Variants in VPS50 observed in about 807,000 individuals in gnomAD.
The protein encoded by VPS50 is syndetin.
In VPS50, 70 loss-of-function variants were observed where a neutral mutation model predicts 139.7. That is an observed-to-expected ratio of 0.50 (90% confidence interval 0.41 to 0.61). The LOEUF is 0.61. Among genes scored for constraint, VPS50 ranks in the 20% least tolerant of loss-of-function variants. The probability of loss-of-function intolerance (pLI) is 0.00; values close to 1 mark genes in which losing one functional copy is unlikely to be tolerated. For synonymous variants in VPS50, 365 were observed against 376.7 expected (o/e 0.97, Z 0.36); for missense variants, 921 against 1,133.7 (o/e 0.81, Z 2.69).
chr7:93,334,276 G>A (rs1214500293), intron 22 of VPS50, 79 bp downstream of exon 22: 7 of 800,088 alleles, frequency 8.7e-6, no homozygotes, highest in African/African-American at 1.7e-5. Context: ...ATATAAATGT[G>A]TGTCTATATG....
intron 1 of VPS50, among the ~76,000 whole-genome samples, chr7:93,234,930 T>C (rs1794752386): frequency 7.5e-6 from 1 of 132,972 alleles, no homozygotes. Context: ...TGCCAGGTAC[T>C]ATTCTAAGTA....
intron 14 of VPS50, among the ~76,000 whole-genome samples, chr7:93,295,877 A>T (rs909253493): frequency 1.3e-5 from 2 of 151,966 alleles, no homozygotes; most frequent in African/African-American, 4.8e-5. Flanking sequence ...GATGTGCACC[A>T]CCATGCCTAA....
intron 10 of VPS50, among the ~76,000 whole-genome samples, chr7:93,272,254 G>A (rs986841228): frequency 2.6e-5 from 4 of 151,778 alleles, no homozygotes; most frequent in Non-Finnish European, 5.9e-5. Context: ...ATTAGAGAAA[G>A]ATTGTTTTAT....
intron 21 of VPS50, among the ~76,000 whole-genome samples, chr7:93,333,632 T>C (rs984818560): frequency 6.6e-6 from 1 of 152,222 alleles, no homozygotes; most frequent in African/African-American, 2.4e-5. Context: ...CTATCTATAC[T>C]GTGAAATGTT....
intron 2 of VPS50, chr7:93,246,213 T>G (rs1314947813): frequency 2.2e-6 from 2 of 910,810 alleles, no homozygotes; most frequent in Non-Finnish European, 3.3e-6. Flanking sequence ...TAAAAAAAAG[T>G]CTTTGATCAA....
chr7:93,339,273 G>A (rs1356921254), intron 22 of VPS50, among the ~76,000 whole-genome samples: 3 of 150,332 alleles, frequency 2.0e-5, no homozygotes, highest in African/African-American at 7.3e-5. Context: ...ACTTTTAAAT[G>A]CTAATTGAGT....
chr7:93,272,940 G>T lies in VPS50; in HGVS notation c.801+207G>T, dbSNP rs192680470. 640 of 326,130 alleles carry T rather than the reference G, an allele frequency of 2.0e-3. 3 individuals are homozygous for T. Among genetic ancestry groups the T allele is most frequent in the Non-Finnish European group, 2.5e-3 (449 of 179,494 alleles). 20.2% of individuals were successfully genotyped at this position (326,130 alleles called of 1,614,324 possible). A position where few individuals can be genotyped will look rare whatever the true frequency, so the allele number is the denominator to read the frequency against. ...TTAAAACATTACAGTAGTTTGTTTT[G>T]AACTATGAAGTACTTGTCAGGTTTA... On this transcript the variant is annotated intron_variant, in intron 11 of 27. Transcript: ENST00000305866.
chr7:93,279,739 A>C (rs1796266616), intron 12 of VPS50, among the ~76,000 whole-genome samples: 1 of 152,208 alleles, frequency 6.6e-6, no homozygotes, highest in African/African-American at 2.4e-5. Context: ...TATCCTCTGT[A>C]CAGTAGCAAT....
chr7:93,305,829 A>G lies in VPS50; in HGVS notation c.1454A>G (p.Glu485Gly). Residue 485 changes from glutamate to glycine, a missense_variant and splice_region_variant, in exon 18 of 28, where the codon GAA becomes GGA. By Grantham distance (98) the Glu-to-Gly change is moderately conservative (BLOSUM62 -2). Around this residue, in one of 3 missense-constraint regions of VPS50, gnomAD observed 744 missense variants for 930.6 expected, o/e 0.80. Coordinates refer to ENST00000305866, the MANE Select transcript of VPS50 (RefSeq NM_017667.4). ...TCTGGCTCCTTTTTTAACATCTAGG[A>G]ATTTAAATTCATGGAACAGTCTCGC... ...KSNFSILQLH[E>G]FKFMEQSRSP... 6.2e-7 allele frequency: 1 copy of G among 1,611,366 alleles called. No homozygotes were observed. Among genetic ancestry groups the G allele is most frequent in the Non-Finnish European group, 8.5e-7 (1 of 1,177,920 alleles).
chr7:93,295,946 G>A (rs1457525279), intron 14 of VPS50, among the ~76,000 whole-genome samples: 1 of 152,062 alleles, frequency 6.6e-6, no homozygotes, highest in African/African-American at 2.4e-5. Context: ...GACTGGTCTT[G>A]AACTCCTGGG....
chr7:93,353,846 A>AT (rs1798624917), intron 26 of VPS50, 85 bp downstream of exon 26: 1 of 1,039,576 alleles, frequency 9.6e-7, no homozygotes, highest in Non-Finnish European at 1.4e-6. Context: ...GGTTGGAGAG[A>AT]ATAAGTAGAA....
At chr7:93,262,549 C>G (rs1391917722) in intron 9 of VPS50, among the ~76,000 whole-genome samples, 1 of 152,186 alleles carries the variant, frequency 6.6e-6, no homozygotes, top group African/African-American at 2.4e-5. Context: ...AAGAATTGGT[C>G]TTATTCTCTG....
chr7:93,311,251 T>C lies in VPS50; in HGVS notation c.1834T>C (p.Leu612=). 8.0e-7 allele frequency: 1 copy of C among 1,248,646 alleles called. No homozygotes were observed. Among genetic ancestry groups the C allele is most frequent in the Non-Finnish European group, 1.2e-6 (1 of 846,792 alleles). 77.3% of individuals were successfully genotyped at this position (1,248,646 alleles called of 1,614,324 possible). The change falls in exon 20 of 28, where the codon TTG becomes CTG. Residue 612 remains leucine (L), a synonymous_variant. Transcript: ENST00000305866. ...TGCACCTATCTTAACAAATACAACA[T>C]TGAACGTCATAAGACTTGTTGGTAA... ...VNAPILTNTT[L]NVIRLVGKYM...
chr7:93,256,518 A>G lies in VPS50; in HGVS notation c.307A>G (p.Lys103Glu), dbSNP rs1290650504. Residue 103 changes from lysine to glutamate, a missense_variant, in exon 5 of 28, where the codon AAA becomes GAA. Around this residue, in one of 3 missense-constraint regions of VPS50, gnomAD observed 744 missense variants for 930.6 expected, o/e 0.80. Transcript: ENST00000305866. ...TTACATCTTCTTATAGGTATCTAAA[A>G]AAGTGGCAGATTTAATCCTTGAAAA... ...LKQQQAAVSK[K>E]VADLILEKQP... 3 of 1,434,678 alleles carry G rather than the reference A, an allele frequency of 2.1e-6. No homozygotes were observed. 88.9% of individuals were successfully genotyped at this position (1,434,678 alleles called of 1,614,324 possible).
chr7:93,326,216 A>G (rs1797767615), intron 21 of VPS50, among the ~76,000 whole-genome samples: 1 of 147,940 alleles, frequency 6.8e-6, no homozygotes, highest in South Asian at 2.1e-4. Flanking sequence ...CAAACACTGC[A>G]TATTCTCACT....
intron 2 of VPS50, among the ~76,000 whole-genome samples, chr7:93,244,004 A>G (rs1795075870): frequency 6.6e-6 from 1 of 151,792 alleles, no homozygotes; most frequent in African/African-American, 2.4e-5. Context: ...TTTGGCCTCA[A>G]TTTAATTAAC....
chr7:93,294,688 T>G (rs1283036585), intron 14 of VPS50, 52 bp downstream of exon 14: 1 of 1,376,866 alleles, frequency 7.3e-7, no homozygotes, highest in African/African-American at 1.5e-5. Flanking sequence ...AAATGTCATG[T>G]CATAGTTTTA....
intron 20 of VPS50, among the ~76,000 whole-genome samples, chr7:93,322,900 T>A (rs191326697): frequency 1.4e-4 from 22 of 152,266 alleles, no homozygotes; most frequent in Non-Finnish European, 2.6e-4. Context: ...TTCATTGTGT[T>A]TTTTGTTTTT....
At position 93,302,145 on chromosome 7, in the gene VPS50, T is replaced by C. The variant is rs192577082; in HGVS notation, c.1362-1315T>C. Among the ~76,000 whole-genome samples, 324 of 152,318 alleles carry C rather than the reference T, an allele frequency of 2.1e-3. 1 individual carries two copies. Among genetic ancestry groups the C allele is most frequent in the African/African-American group, 7.4e-3 (306 of 41,570 alleles). ...TTGTTGAGTTGTCAAGTTTTCTACTTTTAGTTCTTACCTTAGGATTGTGAT... is the reference window on the plus strand; with the variant it reads ...TTGTTGAGTTGTCAAGTTTTCTACTCTTAGTTCTTACCTTAGGATTGTGAT... On this transcript the variant is annotated intron_variant, in intron 16 of 27. Coordinates refer to ENST00000305866, the MANE Select transcript of VPS50 (RefSeq NM_017667.4).
Sources: allele counts gnomAD v4.1 joint callset (sites outside exome capture counted in the v4.1 genomes callset), GRCh38; gene constraint gnomAD v4.1.1; regional missense constraint gnomAD v4.1.1; transcripts MANE v1.5; gene names NCBI Gene and HGNC (gene_info 2026-07-23, HGNC 2026-07-21).